RBMS3: variants seen among roughly 807,000 people sequenced by gnomAD.
RBMS3 encodes RNA-binding motif, single-stranded-interacting protein 3.
A neutral mutation model predicts 66.8 loss-of-function variants in RBMS3; 27 were observed. The ratio of observed to expected loss-of-function variants is 0.40; its 90% confidence interval spans 0.30 to 0.56. RBMS3 has a LOEUF of 0.56. RBMS3 is among the 20% of genes least tolerant of loss of function. The pLI is 0.40. For missense variants in RBMS3, 513 were observed against 549.5 expected (o/e 0.93, Z 0.66); for synonymous variants, 188 against 183.0 (o/e 1.03, Z -0.22).
intron 8 of RBMS3, among the ~76,000 whole-genome samples, chr3:29,895,204 G>A (rs1006530675): frequency 6.6e-6 from 1 of 151,466 alleles, no homozygotes; most frequent in Non-Finnish European, 1.5e-5. Context: ...CAAAGTAAAT[G>A]TTCAATAATT....
At chr3:29,759,200 AG>A (rs778475585) in intron 5 of RBMS3, among the ~76,000 whole-genome samples, 27 of 151,844 alleles carry the variant, frequency 1.8e-4, no homozygotes, top group Non-Finnish European at 3.8e-4. Flanking sequence ...AGCTCCTCTT[AG>A]TAGCTGTTTG....
chr3:29,575,095 G>A (rs2047073505), intron 3 of RBMS3, among the ~76,000 whole-genome samples: 1 of 152,072 alleles, frequency 6.6e-6, no homozygotes, highest in South Asian at 2.1e-4. Context: ...GAGTTTTGTA[G>A]CTTCAGATGA....
chr3:29,381,866 G>C (rs955775180), intron 1 of RBMS3, among the ~76,000 whole-genome samples: 7 of 152,124 alleles, frequency 4.6e-5, no homozygotes, highest in African/African-American at 9.7e-5. Flanking sequence ...GTTGGCTGTC[G>C]AACCAGATTC....
chr3:29,988,139 C>CTAGTATATGACTGCT lies in RBMS3; in HGVS notation c.1099-3_1110dup. On this transcript the variant is annotated splice_region_variant and splice_polypyrimidine_tract_variant and intron_variant, in intron 12 of 14. Coordinates refer to ENST00000383767, the MANE Select transcript of RBMS3 (RefSeq NM_001003793.3). ...CACATGCATTTTTCTTTGATTCTCT[C>CTAGTATATGACTGCT]TAGTATATGACTGCTGCTGCTCCTA... is the stretch of plus-strand genomic sequence containing the variant. The CTAGTATATGACTGCT allele has an allele frequency of 6.2e-7, 1 of 1,608,136 alleles. No individual in the cohort carries two copies. The highest frequency in any genetic ancestry group is 8.5e-7 in the Non-Finnish European group (1 of 1,174,704).
chr3:29,784,154 A>G (rs1239184412), intron 6 of RBMS3, among the ~76,000 whole-genome samples: 3 of 152,162 alleles, frequency 2.0e-5, no homozygotes, highest in African/African-American at 7.2e-5. Flanking sequence ...CAGAAAGTCA[A>G]CAAAGAAACA....
chr3:29,454,398 TG>T (rs2042114741), intron 2 of RBMS3, among the ~76,000 whole-genome samples: 1 of 152,200 alleles, frequency 6.6e-6, no homozygotes, highest in Admixed American at 6.5e-5. Context: ...GTGTCCTCCA[TG>T]TTGATTCCTG....
intron 1 of RBMS3, among the ~76,000 whole-genome samples, chr3:29,283,458 A>G (rs567351997): frequency 2.0e-5 from 3 of 152,154 alleles, no homozygotes; most frequent in Non-Finnish European, 4.4e-5. Context: ...ATACTAGTAG[A>G]AAGTGTGTGC....
chr3:29,484,166 G>T (rs1171804866), intron 2 of RBMS3, among the ~76,000 whole-genome samples: 1 of 152,180 alleles, frequency 6.6e-6, no homozygotes, highest in East Asian at 1.9e-4. Flanking sequence ...TTTTAGAAAG[G>T]TGTCTTGTCT....
chr3:29,731,438 T>A (rs892262777), intron 4 of RBMS3, among the ~76,000 whole-genome samples: 1 of 152,190 alleles, frequency 6.6e-6, no homozygotes, highest in Non-Finnish European at 1.5e-5. Flanking sequence ...ACCTTTTCTC[T>A]TTTAGTAGAG....
At chr3:29,452,132 G>A (rs1158660480) in intron 2 of RBMS3, among the ~76,000 whole-genome samples, 1 of 152,158 alleles carries the variant, frequency 6.6e-6, no homozygotes, top group Non-Finnish European at 1.5e-5. Context: ...GGATTTTCCT[G>A]TGTAAGAAGC....
At chr3:29,342,776 A>T (rs376968038) in intron 1 of RBMS3, among the ~76,000 whole-genome samples, 1 of 152,172 alleles carries the variant, frequency 6.6e-6, no homozygotes, top group Non-Finnish European at 1.5e-5. Flanking sequence ...TTCACACATT[A>T]TACAAATAGT....
rs150468135 is a variant in RBMS3 at position 29,742,125 on chromosome 3, T to A, written c.557+2248T>A. Among the ~76,000 whole-genome samples, 203 of 152,296 alleles carry A rather than the reference T, an allele frequency of 1.3e-3. 1 individual carries two copies. The highest frequency in any genetic ancestry group is 4.4e-3 in the African/African-American group (185 of 41,574). On this transcript the variant is annotated intron_variant, in intron 5 of 14. Coordinates refer to ENST00000383767, the MANE Select transcript of RBMS3 (RefSeq NM_001003793.3). ...GAGAGTTTGCTTAAAATGAGGCATA[T>A]TTTTCTTAAGTACAGAGTCAAGTAA...
intron 1 of RBMS3, among the ~76,000 whole-genome samples, chr3:29,282,083 C>T (rs1008922163): frequency 6.6e-6 from 1 of 152,116 alleles, no homozygotes; most frequent in Non-Finnish European, 1.5e-5. Context: ...CAGATCACAA[C>T]AGTGATTACC....
intron 7 of RBMS3, among the ~76,000 whole-genome samples, chr3:29,882,384 T>A (rs1294736875): frequency 6.6e-6 from 1 of 152,176 alleles, no homozygotes; most frequent in African/African-American, 2.4e-5. Context: ...TCCCCCAGCT[T>A]GTCATATTAT....
rs1250378579 is a variant in RBMS3, at chr3:29,697,436, C to T, written c.400-42284C>T. Among the ~76,000 whole-genome samples, 4 of 152,300 alleles carry T rather than the reference C, an allele frequency of 2.6e-5. No individual in the cohort carries two copies. The East Asian group carries it at 5.8e-4, about 22-fold the overall frequency. On this transcript the variant is annotated intron_variant, in intron 4 of 14. Transcript: ENST00000383767. ...CCAGAACTTCACCCGGTTTACTTTTCTTTCCATTGTTTAATCCACCTATCT... is the reference window on the plus strand; with the variant it reads ...CCAGAACTTCACCCGGTTTACTTTTTTTTCCATTGTTTAATCCACCTATCT...
chr3:29,585,344 T>G (rs1327192681), intron 3 of RBMS3, among the ~76,000 whole-genome samples: 1 of 152,146 alleles, frequency 6.6e-6, no homozygotes, highest in Non-Finnish European at 1.5e-5. Context: ...TTTTCAAGAA[T>G]TGAGTCCTTT....
intron 6 of RBMS3, among the ~76,000 whole-genome samples, chr3:29,813,651 T>C (rs184630874): frequency 2.6e-5 from 4 of 152,308 alleles, no homozygotes; most frequent in East Asian, 1.9e-4. Flanking sequence ...CCTCTTTTTT[T>C]TCGTTGAGCC....
chr3:29,515,754 C>T (rs959117473), intron 3 of RBMS3, among the ~76,000 whole-genome samples: 1 of 152,150 alleles, frequency 6.6e-6, no homozygotes, highest in African/African-American at 2.4e-5. Context: ...GAGAGCTAGT[C>T]CACTTTAGCA....
chr3:29,606,701 T>C (rs1228045683), intron 4 of RBMS3, among the ~76,000 whole-genome samples: 1 of 152,000 alleles, frequency 6.6e-6, no homozygotes, highest in African/African-American at 2.4e-5. Context: ...AGATTAAACA[T>C]TCACAGCTGT....
Sources: gnomAD v4.1 joint callset for allele counts (sites outside exome capture counted in the v4.1 genomes callset) on GRCh38, gnomAD v4.1.1 for gene constraint, MANE v1.5 for transcripts, NCBI Gene and HGNC (gene_info 2026-07-23, HGNC 2026-07-21) for gene names.